KLHL32: variants seen among roughly 807,000 people sequenced by gnomAD.
The protein encoded by KLHL32 is kelch like family member 32.
Under a neutral mutation model 64.8 loss-of-function variants are expected in KLHL32, and 35 were observed. That is an observed-to-expected ratio of 0.54 (90% confidence interval 0.41 to 0.72). The LOEUF is 0.72. KLHL32 is among the 30% of genes least tolerant of loss of function. The pLI is 0.00. For synonymous variants in KLHL32, 259 were observed against 281.0 expected (o/e 0.92, Z 0.78); for missense variants, 589 against 768.5 (o/e 0.77, Z 2.76).
At chr6:96,926,315 G>C (rs1769155619) in intron 1 of KLHL32, among the ~76,000 whole-genome samples, 1 of 152,224 alleles carries the variant, frequency 6.6e-6, no homozygotes, top group African/African-American at 2.4e-5. Context: ...AATAAATAAT[G>C]TGAGGAGCAA....
chr6:96,960,981 G>A (rs562079836), intron 1 of KLHL32, among the ~76,000 whole-genome samples: 15 of 152,084 alleles, frequency 9.9e-5, no homozygotes, highest in Non-Finnish European at 1.6e-4. Context: ...TAGAGGCTTC[G>A]GAAAGAATAG....
intron 10 of KLHL32, among the ~76,000 whole-genome samples, chr6:97,137,957 G>A (rs1395152674): frequency 6.6e-6 from 1 of 152,208 alleles, no homozygotes; most frequent in Non-Finnish European, 1.5e-5. Context: ...CCTACGTCCA[G>A]GATGCAGATG....
rs1265652536 is a variant in KLHL32, at chr6:97,140,559, C to G, written c.*1277C>G. ...TAATCACATTTGAAAACAAATTTAA[C>G]AAGTATAATGTGAGTTTTTCTTTTT... On this transcript the variant is annotated 3_prime_UTR_variant, in exon 11 of 11. Transcript: ENST00000369261. The G allele has an allele frequency of 1.3e-5, 2 of 151,866 alleles. No homozygotes were observed. The highest frequency in any genetic ancestry group is 1.3e-4 in the Admixed American group (2 of 15,262). The allele number at this position is 151,866 out of a possible 1,614,324, so 9.4% of individuals were successfully genotyped here.
At chr6:96,941,974 C>G (rs1265637971) in intron 1 of KLHL32, among the ~76,000 whole-genome samples, 1 of 152,100 alleles carries the variant, frequency 6.6e-6, no homozygotes, top group East Asian at 1.9e-4. Context: ...AATATGGTCT[C>G]AGAGAAAGAA....
At chr6:97,028,866 C>G (rs1228900113) in intron 3 of KLHL32, among the ~76,000 whole-genome samples, 1 of 152,204 alleles carries the variant, frequency 6.6e-6, no homozygotes, top group Non-Finnish European at 1.5e-5. Context: ...CAATGGACTT[C>G]TTTGTATGGT....
intron 3 of KLHL32, among the ~76,000 whole-genome samples, chr6:97,015,206 A>T (rs932268546): frequency 1.3e-5 from 2 of 152,210 alleles, no homozygotes; most frequent in African/African-American, 4.8e-5. Flanking sequence ...TTGGGTATTT[A>T]TTGCAGTGTG....
At chr6:96,988,796 C>T (rs968981867) in intron 3 of KLHL32, among the ~76,000 whole-genome samples, 1 of 152,108 alleles carries the variant, frequency 6.6e-6, no homozygotes, top group African/African-American at 2.4e-5. Context: ...GAGTTCATGT[C>T]CTTTGTAGGG....
intron 2 of KLHL32, among the ~76,000 whole-genome samples, chr6:96,968,953 G>A: frequency 6.6e-6 from 1 of 152,248 alleles, no homozygotes; most frequent in South Asian, 2.1e-4. Flanking sequence ...GTTTGAGAAA[G>A]CCACAGCCAC....
At chr6:97,081,408 G>T (rs1792498355) in intron 5 of KLHL32, among the ~76,000 whole-genome samples, 1 of 152,192 alleles carries the variant, frequency 6.6e-6, no homozygotes. Flanking sequence ...GGATTGGTTA[G>T]TTTGCATATG....
intron 3 of KLHL32, among the ~76,000 whole-genome samples, chr6:97,014,815 G>A (rs991298507): frequency 1.3e-5 from 2 of 152,166 alleles, no homozygotes; most frequent in African/African-American, 4.8e-5. Flanking sequence ...ATTCTCACCT[G>A]CCTCCTACTC....
At chr6:97,096,153 G>A (rs1221945635) in intron 6 of KLHL32, among the ~76,000 whole-genome samples, 3 of 152,060 alleles carry the variant, frequency 2.0e-5, no homozygotes, top group African/African-American at 7.2e-5. Flanking sequence ...CTAATAAAAT[G>A]GCATAAGTTT....
intron 6 of KLHL32, among the ~76,000 whole-genome samples, chr6:97,089,507 G>A (rs1407405145): frequency 2.0e-5 from 3 of 151,820 alleles, no homozygotes; most frequent in African/African-American, 2.4e-5. Flanking sequence ...GGGTAGGCGC[G>A]GTGGCTTACG....
At chr6:96,956,751 T>C (rs1481798658) in intron 1 of KLHL32, among the ~76,000 whole-genome samples, 1 of 152,196 alleles carries the variant, frequency 6.6e-6, no homozygotes, top group Admixed American at 6.5e-5. Context: ...CTTATAATGT[T>C]CGATTGTTGT....
chr6:97,063,161 G>A (rs1281119054), intron 4 of KLHL32, among the ~76,000 whole-genome samples: 1 of 152,204 alleles, frequency 6.6e-6, no homozygotes, highest in East Asian at 1.9e-4. Context: ...AGTGGACAAA[G>A]GAGAAAGCAG....
intron 5 of KLHL32, among the ~76,000 whole-genome samples, chr6:97,068,955 G>A (rs1754430248): frequency 6.6e-6 from 1 of 152,206 alleles, no homozygotes; most frequent in Admixed American, 6.5e-5. Context: ...GAGGAGGCGT[G>A]CTGCTGGGAT....
At chr6:97,084,982 A>T in intron 5 of KLHL32, 144 bp from the exon 6 acceptor site, 1 of 655,554 alleles carries the variant, frequency 1.5e-6, no homozygotes, top group Non-Finnish European at 2.6e-6. Flanking sequence ...TATAATTGTG[A>T]TTTCTTTTTT....
intron 1 of KLHL32, among the ~76,000 whole-genome samples, chr6:96,962,639 A>G (rs1167221823): frequency 6.6e-6 from 1 of 152,218 alleles, no homozygotes; most frequent in Non-Finnish European, 1.5e-5. Flanking sequence ...TCACTACATG[A>G]TTCATATTTG....
At chr6:96,974,176 TACA>T (rs1356347555) in intron 2 of KLHL32, among the ~76,000 whole-genome samples, 1 of 152,196 alleles carries the variant, frequency 6.6e-6, no homozygotes, top group Admixed American at 6.5e-5. Context: ...TTGTGCAGAT[TACA>T]TGAACTAGTC....
chr6:96,967,178 G>A, intron 2 of KLHL32, 95 bp downstream of exon 2: 1 of 1,091,320 alleles, frequency 9.2e-7, no homozygotes. Context: ...GGGGCTTAAT[G>A]CATATTTGAA....
Sources: gnomAD v4.1 joint callset for allele counts (sites outside exome capture counted in the v4.1 genomes callset) on GRCh38, gnomAD v4.1.1 for gene constraint, MANE v1.5 for transcripts, NCBI Gene and HGNC (gene_info 2026-07-23, HGNC 2026-07-21) for gene names.